The following KIAA1755 variants were observed in gnomAD, a reference collection of about 807,000 sequenced individuals.
KIAA1755 encodes uncharacterized protein KIAA1755.
Under a neutral mutation model 91.7 loss-of-function variants are expected in KIAA1755, and 68 were observed. That is an observed-to-expected ratio of 0.74 (90% CI 0.61 to 0.91). The LOEUF is 0.91. KIAA1755 is among the 40% of genes least tolerant of loss of function. The pLI is 0.00. For synonymous variants in KIAA1755, 610 were observed against 604.6 expected (o/e 1.01, Z -0.13); for missense variants, 1,535 against 1,494.4 (o/e 1.03, Z -0.45).
intron 10 of KIAA1755, among the ~76,000 whole-genome samples, chr20:38,221,658 G>T (rs1296735002): frequency 6.6e-6 from 1 of 152,160 alleles, no homozygotes; most frequent in African/African-American, 2.4e-5. Context: ...GCTGGTATTT[G>T]TAAATCCCTG....
At chr20:38,219,814 A>G in intron 10 of KIAA1755, 46 bp from the exon 11 acceptor site, 1 of 1,608,264 alleles carries the variant, frequency 6.2e-7, no homozygotes, top group Non-Finnish European at 8.5e-7. Flanking sequence ...TGCCCTCTTC[A>G]CCCTGCTGTA....
At chr20:38,229,047 G>A (rs772297267) in intron 5 of KIAA1755, among the ~76,000 whole-genome samples, 8 of 152,298 alleles carry the variant, frequency 5.3e-5, no homozygotes, top group South Asian at 4.1e-4. Flanking sequence ...TGGGTACAGG[G>A]TGGCCAGGGA....
chr20:38,259,493 G>GTGTGTGTGCATGTGTACA (rs2076399142), intron 1 of KIAA1755, among the ~76,000 whole-genome samples: 2 of 149,962 alleles, frequency 1.3e-5, no homozygotes, highest in South Asian at 4.2e-4. Context: ...GCATGTGTAC[G>GTGTGTGTGCATGTGTACA]TGTGTGTGAG....
At chr20:38,225,595 T>C (rs749546891) in intron 8 of KIAA1755, 70 bp downstream of exon 8, 3 of 961,526 alleles carry the variant, frequency 3.1e-6, no homozygotes, top group Non-Finnish European at 5.1e-6. Flanking sequence ...GATGGATCCA[T>C]GGGACAGAAG....
At chr20:38,228,781 C>A (rs1052154062) in intron 5 of KIAA1755, among the ~76,000 whole-genome samples, 1 of 152,074 alleles carries the variant, frequency 6.6e-6, no homozygotes, top group African/African-American at 2.4e-5. Flanking sequence ...TTAAAAAGTT[C>A]TTAACAAAGA....
intron 1 of KIAA1755, among the ~76,000 whole-genome samples, chr20:38,246,508 GC>G (rs1042898114): frequency 7.9e-5 from 12 of 152,118 alleles, no homozygotes; most frequent in African/African-American, 2.9e-4. Flanking sequence ...TTTTGGCATT[GC>G]CCCAGTCTGA....
chr20:38,228,558 C>A (rs1301816078), intron 5 of KIAA1755, among the ~76,000 whole-genome samples: 1 of 152,138 alleles, frequency 6.6e-6, no homozygotes, highest in Non-Finnish European at 1.5e-5. Context: ...TTTGTGTAGG[C>A]AGAATCCTTA....
rs749542588 is a variant in KIAA1755 at position 38,239,740 on chromosome 20, C to T, written c.1550-15G>A. 31 of 1,608,858 alleles carry T rather than the reference C, an allele frequency of 1.9e-5. No individual in the cohort carries two copies. Among genetic ancestry groups the T allele is most frequent in the Non-Finnish European group, 2.6e-5 (31 of 1,179,394 alleles). ...AGTTGTTCCAGCTGGGAAAAAGCAA[C>T]AACAAAGAAAAGGACGTTAAGCAGA... On this transcript the variant is annotated splice_polypyrimidine_tract_variant and intron_variant, in intron 3 of 13. Transcript: ENST00000279024.
rs1011936029 is a variant in KIAA1755 at position 38,246,137 on chromosome 20, C to T, written c.4-11G>A. 6.2e-7 allele frequency: 1 copy of T among 1,609,752 alleles called. No individual in the cohort carries two copies. Among genetic ancestry groups the T allele is most frequent in the Non-Finnish European group, 8.5e-7 (1 of 1,178,234 alleles). On this transcript the variant is annotated splice_polypyrimidine_tract_variant and intron_variant, in intron 1 of 13. Coordinates refer to ENST00000279024, the MANE Select transcript of KIAA1755 (RefSeq NM_001029864.2). ...GAGGGATGGAGGGTCCTGTGGGGGA[C>T]AGGAGGAGGGGGTGATAATAGCAAT... is the stretch of plus-strand genomic sequence containing the variant.
intron 9 of KIAA1755, 98 bp downstream of exon 9, chr20:38,223,440 C>T (rs1039597339): frequency 1.6e-5 from 12 of 757,606 alleles, no homozygotes; most frequent in African/African-American, 3.7e-5. Context: ...GGAATAATGT[C>T]CTCCCCCTTT....
chr20:38,232,483 C>T (rs181155388), intron 4 of KIAA1755, among the ~76,000 whole-genome samples: 1 of 152,054 alleles, frequency 6.6e-6, no homozygotes, highest in African/African-American at 2.4e-5. Flanking sequence ...AAAAAATTAG[C>T]CAGGCATGGT....
At chr20:38,231,162 G>A in intron 5 of KIAA1755, 40 bp downstream of exon 5, 1 of 1,586,370 alleles carries the variant, frequency 6.3e-7, no homozygotes, top group South Asian at 1.2e-5. Context: ...CCAGAGGGTT[G>A]AGGTGGGGAT....
In KIAA1755 at chr20:38,240,603, G is replaced by A. The variant is rs41282820; in HGVS notation, c.1528C>T (p.Arg510Ter). 0.016 allele frequency: 23,924 copies of A among 1,483,192 alleles called. 218 individuals carry two copies. Among genetic ancestry groups the A allele is most frequent in the Non-Finnish European group, 0.018 (20,539 of 1,115,528 alleles). The allele number at this position is 1,483,192 out of a possible 1,614,324, so 91.9% of individuals were successfully genotyped here. The change falls in exon 3 of 14, where the codon CGA becomes TGA. Residue 510 changes from arginine to a stop codon, truncating the protein, a stop_gained. Transcript: ENST00000279024. LOFTEE classifies it high-confidence loss of function. ...LCSLYSPKPNRAKSLGKAGTT... is the reference protein window; with the variant it reads ...LCSLYSPKPN ...TTACCTTTCCCCAAAGATTTGGCTC[G>A]GTTGGGTTTAGGAGAGTAGAGGGAA...
intron 1 of KIAA1755, among the ~76,000 whole-genome samples, chr20:38,247,700 T>C (rs1000389149): frequency 1.3e-5 from 2 of 152,210 alleles, no homozygotes; most frequent in Non-Finnish European, 2.9e-5. Flanking sequence ...GCTAATCAGC[T>C]GACTTTAAAA....
intron 3 of KIAA1755, among the ~76,000 whole-genome samples, chr20:38,240,060 C>A (rs1475357470): frequency 6.6e-6 from 1 of 152,088 alleles, no homozygotes; most frequent in Non-Finnish European, 1.5e-5. Context: ...CGAAGCCCAG[C>A]TTTTTTATTT....
intron 1 of KIAA1755, among the ~76,000 whole-genome samples, chr20:38,256,617 A>G (rs561778148): frequency 6.6e-5 from 10 of 152,234 alleles, no homozygotes; most frequent in South Asian, 4.2e-4. Flanking sequence ...CAGCCTAGGC[A>G]ACAGAGGGAG....
rs2123037623 is a variant in KIAA1755, at chr20:38,212,777, A to T, written c.*265T>A. 2.6e-6 allele frequency: 1 copy of T among 391,420 alleles called. No homozygotes were observed. 24.2% of individuals were successfully genotyped at this position (391,420 alleles called of 1,614,324 possible). A position where few individuals can be genotyped will look rare whatever the true frequency, so the allele number is the denominator to read the frequency against. The stretch of plus-strand genomic sequence containing the variant: ...AGGTCTTTCCACAATGAGAGCCTGG[A>T]GGGATGGAGCCAATCACACCATTTA... On this transcript the variant is annotated 3_prime_UTR_variant, in exon 14 of 14. Coordinates refer to ENST00000279024, the MANE Select transcript of KIAA1755 (RefSeq NM_001029864.2).
intron 4 of KIAA1755, among the ~76,000 whole-genome samples, chr20:38,233,030 GA>G (rs2075897544): frequency 6.6e-6 from 1 of 152,060 alleles, no homozygotes; most frequent in South Asian, 2.1e-4. Context: ...GCTGAGGTGG[GA>G]GAATCGCTTG....
chr20:38,225,091 T>G (rs770945349), intron 8 of KIAA1755, among the ~76,000 whole-genome samples: 1 of 152,158 alleles, frequency 6.6e-6, no homozygotes, highest in Non-Finnish European at 1.5e-5. Flanking sequence ...CCTCCTGGGT[T>G]CAAGCAATTC....
Sources: allele counts gnomAD v4.1 joint callset (sites outside exome capture counted in the v4.1 genomes callset), GRCh38; gene constraint gnomAD v4.1.1; transcripts MANE v1.5; gene names NCBI Gene and HGNC (gene_info 2026-07-23, HGNC 2026-07-21).